CCDC158: variants seen among roughly 807,000 people sequenced by gnomAD.
The protein encoded by CCDC158 is coiled-coil domain containing 158.
A neutral mutation model predicts 138.6 loss-of-function variants in CCDC158; 116 were observed. The observed-to-expected ratio is 0.84, with a 90% CI of 0.72 to 0.98. The LOEUF is 0.98. CCDC158 is among the 50% of genes least tolerant of loss of function. CCDC158 has a pLI of 0.00. For synonymous variants in CCDC158, 436 were observed against 442.4 expected, an observed-to-expected ratio of 0.99 and a Z score of 0.18; for missense variants, 1,265 against 1,306.1, an observed-to-expected ratio of 0.97 and a Z score of 0.48.
chr4:76,360,293 C>T (rs1219795765), intron 13 of CCDC158, among the ~76,000 whole-genome samples: 3 of 152,218 alleles, frequency 2.0e-5, no homozygotes. Context: ...CATGGAGAAC[C>T]TCTACTAGGG....
intron 18 of CCDC158, among the ~76,000 whole-genome samples, chr4:76,348,285 A>AT (rs1722748910): frequency 6.7e-6 from 1 of 149,670 alleles, no homozygotes; most frequent in South Asian, 2.1e-4. Flanking sequence ...AAAAAAAAAA[A>AT]TTAGCCAGGC....
chr4:76,383,589 A>T (rs1726484536), intron 7 of CCDC158, 73 bp downstream of exon 7: 1 of 1,055,602 alleles, frequency 9.5e-7, no homozygotes, highest in Non-Finnish European at 1.5e-6. Flanking sequence ...TAGATTTTGG[A>T]ATTGTGGCCG....
chr4:76,331,211 T>G (rs1578881177), intron 21 of CCDC158, 133 bp downstream of exon 21: 1 of 729,896 alleles, frequency 1.4e-6, no homozygotes, highest in Non-Finnish European at 2.3e-6. Context: ...ACAGAGCCCA[T>G]ATCTGTCTTG....
chr4:76,348,570 G>T (rs528743715), intron 18 of CCDC158, among the ~76,000 whole-genome samples: 2 of 151,864 alleles, frequency 1.3e-5, no homozygotes, highest in African/African-American at 4.8e-5. Context: ...ACACAAACAC[G>T]TGGACCATAA....
intron 19 of CCDC158, 58 bp downstream of exon 19, chr4:76,333,952 C>T: frequency 7.6e-7 from 1 of 1,316,686 alleles, no homozygotes; most frequent in Non-Finnish European, 1.0e-6. Flanking sequence ...ATGTGAATAA[C>T]TCAATGGCAA....
chr4:76,390,299 G>C (rs1319124264), intron 4 of CCDC158, among the ~76,000 whole-genome samples: 3 of 152,068 alleles, frequency 2.0e-5, no homozygotes, highest in Admixed American at 6.5e-5. Flanking sequence ...CTTTTTAAGT[G>C]ATGGTTTTAA....
intron 10 of CCDC158, among the ~76,000 whole-genome samples, chr4:76,370,838 A>G (rs1474810745): frequency 6.6e-6 from 1 of 152,200 alleles, no homozygotes; most frequent in Non-Finnish European, 1.5e-5. Flanking sequence ...AACCCTTGTC[A>G]GCCTGCAAAG....
At chr4:76,364,817 G>A (rs906360327) in intron 12 of CCDC158, among the ~76,000 whole-genome samples, 2 of 152,306 alleles carry the variant, frequency 1.3e-5, no homozygotes, top group South Asian at 4.1e-4. Flanking sequence ...GGAGACCAAT[G>A]ATACATCTGA....
At chr4:76,421,170 G>C (rs945980029), upstream of CCDC158, among the ~76,000 whole-genome samples, 2 of 151,972 alleles carry the variant, frequency 1.3e-5, no homozygotes, top group African/African-American at 2.4e-5. Context: ...TCGCGGCTGT[G>C]GCGCTCGGGG....
At chr4:76,366,001 A>G (rs926758655) in intron 12 of CCDC158, among the ~76,000 whole-genome samples, 2 of 152,240 alleles carry the variant, frequency 1.3e-5, no homozygotes, top group Admixed American at 1.3e-4. Flanking sequence ...GGATAATAAT[A>G]GTGCCTCCCT....
chr4:76,379,553 A>C, intron 8 of CCDC158, 149 bp from the exon 9 acceptor site: 1 of 433,566 alleles, frequency 2.3e-6, no homozygotes, highest in East Asian at 3.6e-5. Context: ...ACTGACTCTC[A>C]AAAGTTTCAC....
chr4:76,388,610 A>G (rs1184839508), intron 4 of CCDC158, among the ~76,000 whole-genome samples: 2 of 152,152 alleles, frequency 1.3e-5, no homozygotes, highest in African/African-American at 2.4e-5. Flanking sequence ...TTTGACTCCA[A>G]TCCCTGGCTC....
In CCDC158 at chr4:76,404,250, C is replaced by T. The variant is rs142966403; in HGVS notation, c.-73-970G>A. 2.8e-3 allele frequency among the ~76,000 whole-genome samples: 420 copies of T among 152,256 alleles called. 2 individuals carry two copies. The highest frequency in any genetic ancestry group is 9.2e-3 in the African/African-American group (381 of 41,528). On this transcript the variant is annotated intron_variant, in intron 2 of 24. Transcript: ENST00000682701. ...CACTACCCATAAAGAAAGTGCATGG[C>T]AGAAGGCAGTCTCAAAGTAGGACCC...
chr4:76,313,155 T>A lies in CCDC158; in HGVS notation c.*15A>T, dbSNP rs779185290. The A allele has an allele frequency of 1.3e-6, 2 of 1,556,058 alleles. 1 individual carries two copies. Among genetic ancestry groups the A allele is most frequent in the Non-Finnish European group, 1.8e-6 (2 of 1,135,150 alleles). On this transcript the variant is annotated 3_prime_UTR_variant, in exon 25 of 25. Coordinates refer to ENST00000682701, the MANE Select transcript of CCDC158 (RefSeq NM_001394954.1). Reference sequence around the variant, plus strand: ...TTGGGCCTCATTCCTCTGTAAAGAATAGGCAAGCAACGAGTCATTTTAGTA... The same window carrying A: ...TTGGGCCTCATTCCTCTGTAAAGAAAAGGCAAGCAACGAGTCATTTTAGTA...
chr4:76,407,319 GAAGT>G (rs1377305162), intron 2 of CCDC158: 1 of 151,964 alleles, frequency 6.6e-6, no homozygotes, highest in Non-Finnish European at 1.5e-5. Flanking sequence ...CGTTTTTTAG[GAAGT>G]AAGTAGTAGG....
intron 13 of CCDC158, among the ~76,000 whole-genome samples, chr4:76,358,686 A>T (rs1723823883): frequency 6.6e-6 from 1 of 152,062 alleles, no homozygotes; most frequent in African/African-American, 2.4e-5. Flanking sequence ...CCCAGTACAG[A>T]TGTCACTTCC....
At chr4:76,343,462 A>C (rs764029733) in intron 18 of CCDC158, among the ~76,000 whole-genome samples, 9 of 152,230 alleles carry the variant, frequency 5.9e-5, no homozygotes, top group Non-Finnish European at 1.0e-4. Context: ...AGAAACATTA[A>C]TAATTCAGGT....
intron 9 of CCDC158, among the ~76,000 whole-genome samples, chr4:76,374,601 A>G (rs962393874): frequency 3.9e-5 from 6 of 152,242 alleles, no homozygotes; most frequent in Non-Finnish European, 7.3e-5. Context: ...CAGTATTAAT[A>G]AAGCTGAAAC....
At position 76,323,301 on chromosome 4, in the gene CCDC158, C is replaced by T. The variant is rs773600556; in HGVS notation, c.3277+1G>A. 35 of 1,604,752 alleles carry T rather than the reference C, an allele frequency of 2.2e-5. No homozygotes were observed. The Middle Eastern group carries it at 6.6e-4, about 30-fold the overall frequency. On this transcript the variant is annotated splice_donor_variant, in intron 24 of 24. Coordinates refer to ENST00000682701, the MANE Select transcript of CCDC158 (RefSeq NM_001394954.1). LOFTEE classifies it high-confidence loss of function. ...GATCTCTCCAAAAACGTACACTGTA[C>T]CTTGGTTCTTCAGCTGTAAATCTTC... is the stretch of plus-strand genomic sequence containing the variant.
Sources: gnomAD v4.1 joint callset for allele counts (sites outside exome capture counted in the v4.1 genomes callset) on GRCh38, gnomAD v4.1.1 for gene constraint, MANE v1.5 for transcripts, NCBI Gene and HGNC (gene_info 2026-07-23, HGNC 2026-07-21) for gene names.